PAN3: variants seen among roughly 807,000 people sequenced by gnomAD.
The protein encoded by PAN3 is PAN2-PAN3 deadenylation complex subunit PAN3.
A neutral mutation model predicts 96.2 loss-of-function variants in PAN3; 19 were observed. That is an observed-to-expected ratio of 0.20 (90% CI 0.14 to 0.29). The LOEUF is 0.29. Ranked by LOEUF, PAN3 falls within the 10% of genes least tolerant of loss-of-function variation. The pLI, the probability that PAN3 is intolerant of heterozygous loss-of-function variation, is 1.00. For missense variants in PAN3, 882 were observed against 1,108.1 expected (o/e 0.80, Z 2.90); for synonymous variants, 433 against 406.6 (o/e 1.06, Z -0.78).
At chr13:28,215,087 G>A (rs908064386) in intron 5 of PAN3, 2 of 896,036 alleles carry the variant, frequency 2.2e-6, no homozygotes, top group Admixed American at 1.7e-5. Flanking sequence ...TAGCATTTGT[G>A]CCATTTGCTG....
chr13:28,220,096 A>C (rs1008351736), intron 5 of PAN3, 135 bp from the exon 6 acceptor site: 1 of 822,292 alleles, frequency 1.2e-6, no homozygotes, highest in African/African-American at 1.8e-5. Context: ...CAAAATATGG[A>C]ACCGAAAACA....
At chr13:28,214,044 C>T (rs1880419590) in intron 5 of PAN3, among the ~76,000 whole-genome samples, 1 of 152,016 alleles carries the variant, frequency 6.6e-6, no homozygotes, top group South Asian at 2.1e-4. Flanking sequence ...GCAATGATCT[C>T]TCCAGTGCAC....
At chr13:28,151,535 G>T (rs1404279808) in intron 1 of PAN3, among the ~76,000 whole-genome samples, 1 of 151,936 alleles carries the variant, frequency 6.6e-6, no homozygotes, top group Non-Finnish European at 1.5e-5. Flanking sequence ...AAGTTCTGTG[G>T]CAAGAGGGCA....
At chr13:28,157,485 A>G (rs1167021341) in intron 1 of PAN3, among the ~76,000 whole-genome samples, 3 of 152,204 alleles carry the variant, frequency 2.0e-5, no homozygotes, top group Admixed American at 2.0e-4. Context: ...AGAAGCTCCT[A>G]AATCTGACAA....
intron 7 of PAN3, among the ~76,000 whole-genome samples, chr13:28,259,521 ATTTT>A (rs1455121557): frequency 6.6e-6 from 1 of 151,578 alleles, no homozygotes; most frequent in Non-Finnish European, 1.5e-5. Flanking sequence ...AGCCAGGATA[ATTTT>A]TGTATTTTTA....
intron 1 of PAN3, among the ~76,000 whole-genome samples, chr13:28,167,752 G>T (rs941796246): frequency 6.6e-6 from 1 of 152,010 alleles, no homozygotes; most frequent in Non-Finnish European, 1.5e-5. Context: ...CCTGAGGTGA[G>T]AGGATTCCTT....
intron 6 of PAN3, among the ~76,000 whole-genome samples, chr13:28,223,262 C>T (rs949444270): frequency 2.6e-5 from 4 of 152,164 alleles, no homozygotes; most frequent in Non-Finnish European, 5.9e-5. Context: ...AAATTTGTGA[C>T]ATGTATTTCT....
chr13:28,239,201 G>GCGCACA (rs1555286477), intron 6 of PAN3, among the ~76,000 whole-genome samples: 2 of 101,256 alleles, frequency 2.0e-5, no homozygotes, highest in African/African-American at 7.5e-5. Flanking sequence ...ATGCACACAC[G>GCGCACA]CACACACACA....
chr13:28,143,001 AT>A (rs1159501295), intron 1 of PAN3, among the ~76,000 whole-genome samples: 1 of 152,068 alleles, frequency 6.6e-6, no homozygotes, highest in African/African-American at 2.4e-5. Context: ...CTTTATCTTT[AT>A]TTTGCAGCCA....
chr13:28,292,504 T>C lies in PAN3; in HGVS notation c.2646T>C (p.Ala882=). 1 of 1,611,968 alleles carries C rather than the reference T, an allele frequency of 6.2e-7. No homozygotes were observed. The highest frequency in any genetic ancestry group is 1.8e-4 in the Middle Eastern group (1 of 5,668). ...FENTFQELIA[A]ANGQL ...ATACTTTTCAAGAACTGATTGCAGC[T>C]GCAAATGGTCAGTTGTAGTATTTGC... Residue 882 remains alanine (A), a synonymous_variant, in exon 19 of 19, where the codon GCT becomes GCC. Coordinates refer to ENST00000380958, the MANE Select transcript of PAN3 (RefSeq NM_175854.8).
intron 6 of PAN3, among the ~76,000 whole-genome samples, chr13:28,223,654 C>T (rs1428765167): frequency 6.6e-6 from 1 of 151,702 alleles, no homozygotes; most frequent in African/African-American, 2.4e-5. Flanking sequence ...ACCTCCACCT[C>T]CTGGAGAACC....
chr13:28,258,264 C>T (rs1314675025), intron 7 of PAN3, among the ~76,000 whole-genome samples: 6 of 151,988 alleles, frequency 3.9e-5, no homozygotes, highest in Non-Finnish European at 5.9e-5. Flanking sequence ...GTTAGGGCAG[C>T]GCAAATCAGC....
At chr13:28,290,405 G>C (rs1869599005) in intron 18 of PAN3, among the ~76,000 whole-genome samples, 1 of 152,262 alleles carries the variant, frequency 6.6e-6, no homozygotes, top group South Asian at 2.1e-4. Flanking sequence ...AAACTGGCCA[G>C]GCTCGGTGTC....
intron 4 of PAN3, among the ~76,000 whole-genome samples, chr13:28,179,769 A>G (rs775669307): frequency 6.6e-6 from 1 of 152,110 alleles, no homozygotes; most frequent in Non-Finnish European, 1.5e-5. Flanking sequence ...AAGTAAAACT[A>G]GAATGACAAA....
intron 9 of PAN3, 93 bp from the exon 10 acceptor site, chr13:28,266,622 A>G: frequency 5.1e-6 from 5 of 971,004 alleles, no homozygotes; most frequent in South Asian, 5.1e-5. Context: ...GTGATACACA[A>G]GGGGTTTATA....
intron 1 of PAN3, among the ~76,000 whole-genome samples, chr13:28,143,407 AGT>A (rs1870144791): frequency 6.6e-6 from 1 of 152,236 alleles, no homozygotes; most frequent in African/African-American, 2.4e-5. Context: ...TAATCTTCAA[AGT>A]GTACAATTTT....
chr13:28,260,925 C>G (rs1885664410), intron 8 of PAN3, among the ~76,000 whole-genome samples: 1 of 151,902 alleles, frequency 6.6e-6, no homozygotes, highest in South Asian at 2.1e-4. Flanking sequence ...TAAGAGAGCT[C>G]AATATTTTTT....
intron 14 of PAN3, among the ~76,000 whole-genome samples, chr13:28,273,887 C>G (rs932335297): frequency 1.3e-5 from 2 of 152,118 alleles, no homozygotes; most frequent in South Asian, 2.1e-4. Flanking sequence ...GATTTTAGTT[C>G]ACTGATAGAA....
At chr13:28,179,582 G>A (rs996939406) in intron 4 of PAN3, among the ~76,000 whole-genome samples, 17 of 151,938 alleles carry the variant, frequency 1.1e-4, no homozygotes, top group Non-Finnish European at 1.5e-5. Context: ...CAGGTGTGGT[G>A]GTACACACCT....
Sources: gnomAD v4.1 joint callset for allele counts (sites outside exome capture counted in the v4.1 genomes callset) on GRCh38, gnomAD v4.1.1 for gene constraint, MANE v1.5 for transcripts, NCBI Gene and HGNC (gene_info 2026-07-23, HGNC 2026-07-21) for gene names.